INPP4B: variants seen among roughly 807,000 people sequenced by gnomAD.
The protein encoded by INPP4B is inositol polyphosphate-4-phosphatase type II B, also known as inositol polyphosphate 4-phosphatase type II.
INPP4B carries 55 observed loss-of-function variants against 122.5 expected under a neutral mutation model. The observed-to-expected ratio is 0.45, with a 90% CI of 0.36 to 0.56. The LOEUF (loss-of-function observed/expected upper bound fraction) is 0.56, where lower values mean the gene tolerates loss of function less well. Ranked by LOEUF, INPP4B falls within the 20% of genes least tolerant of loss-of-function variation. The pLI is 0.00. For missense variants in INPP4B, 1,000 were observed against 1,097.7 expected, an observed-to-expected ratio of 0.91 and a Z score of 1.26; for synonymous variants, 403 against 388.7, an observed-to-expected ratio of 1.04 and a Z score of -0.43.
chr4:142,619,848 G>A (rs937963771), intron 2 of INPP4B, among the ~76,000 whole-genome samples: 1 of 152,014 alleles, frequency 6.6e-6, no homozygotes, highest in African/African-American at 2.4e-5. Flanking sequence ...GAAAGGAAAG[G>A]AAGAGAGATA....
At chr4:142,086,078 AGAG>A in intron 24 of INPP4B, 63 bp downstream of exon 24, 2 of 1,068,318 alleles carry the variant, frequency 1.9e-6, no homozygotes, top group South Asian at 2.5e-5. Context: ...CCTGCACAGT[AGAG>A]AACTGATAAT....
chr4:142,479,688 C>T (rs1026211627), intron 2 of INPP4B, among the ~76,000 whole-genome samples: 2 of 152,044 alleles, frequency 1.3e-5, no homozygotes, highest in Non-Finnish European at 2.9e-5. Flanking sequence ...AAGTCATAAT[C>T]CTAAGCGAAC....
intron 2 of INPP4B, among the ~76,000 whole-genome samples, chr4:142,612,316 T>C (rs1287636780): frequency 1.3e-5 from 2 of 152,240 alleles, no homozygotes; most frequent in Non-Finnish European, 2.9e-5. Flanking sequence ...ATATTTAGTT[T>C]TTATAGAATA....
chr4:142,256,652 C>T (rs898385742), intron 11 of INPP4B, among the ~76,000 whole-genome samples: 4 of 152,050 alleles, frequency 2.6e-5, no homozygotes, highest in Non-Finnish European at 5.9e-5. Flanking sequence ...AAGACTAAAC[C>T]AGGAAGAAGT....
intron 2 of INPP4B, among the ~76,000 whole-genome samples, chr4:142,615,376 G>A (rs1743473089): frequency 6.6e-5 from 10 of 152,144 alleles, no homozygotes; most frequent in Admixed American, 6.6e-4. Context: ...ACAGGTTATA[G>A]GTGGATTAAG....
chr4:142,768,685 A>G (rs1169328680), intron 1 of INPP4B, among the ~76,000 whole-genome samples: 1 of 152,232 alleles, frequency 6.6e-6, no homozygotes, highest in Non-Finnish European at 1.5e-5. Context: ...ACTGAGAGCA[A>G]CATATACAGA....
chr4:142,499,857 T>C (rs1410749097), intron 2 of INPP4B, among the ~76,000 whole-genome samples: 4 of 152,176 alleles, frequency 2.6e-5, no homozygotes, highest in African/African-American at 4.8e-5. Context: ...ATAAACTCCC[T>C]ACCTTTACTT....
At chr4:142,176,553 T>C (rs1244578717) in intron 15 of INPP4B, among the ~76,000 whole-genome samples, 1 of 152,196 alleles carries the variant, frequency 6.6e-6, no homozygotes, top group East Asian at 1.9e-4. Flanking sequence ...CTCCATTCTA[T>C]TCTAATTCAC....
chr4:142,202,012 C>G (rs895206933), intron 14 of INPP4B, among the ~76,000 whole-genome samples: 2 of 151,884 alleles, frequency 1.3e-5, no homozygotes, highest in African/African-American at 4.8e-5. Context: ...TTTAAGCAAA[C>G]AAAATACAGT....
At chr4:142,592,642 A>C (rs902974260) in intron 2 of INPP4B, among the ~76,000 whole-genome samples, 2 of 152,156 alleles carry the variant, frequency 1.3e-5, no homozygotes, top group Non-Finnish European at 2.9e-5. Flanking sequence ...ATTTTCTTTA[A>C]ATATTGTATG....
chr4:142,432,075 C>G (rs1396976886), intron 3 of INPP4B, among the ~76,000 whole-genome samples: 6 of 152,032 alleles, frequency 3.9e-5, no homozygotes, highest in African/African-American at 1.4e-4. Flanking sequence ...GAAAGACTCT[C>G]CAAGAACTTA....
intron 16 of INPP4B, among the ~76,000 whole-genome samples, chr4:142,167,194 A>G (rs921474150): frequency 1.7e-4 from 25 of 150,462 alleles, no homozygotes; most frequent in Non-Finnish European, 4.4e-5. Flanking sequence ...CATACACACC[A>G]TGGAATACTA....
intron 7 of INPP4B, among the ~76,000 whole-genome samples, chr4:142,326,343 G>T (rs1013162952): frequency 6.6e-6 from 1 of 152,150 alleles, no homozygotes; most frequent in Non-Finnish European, 1.5e-5. Context: ...GGAGCTCTTC[G>T]CACTGGAAAG....
chr4:142,432,897 A>C (rs1490547848), intron 3 of INPP4B, among the ~76,000 whole-genome samples: 1 of 152,120 alleles, frequency 6.6e-6, no homozygotes, highest in Non-Finnish European at 1.5e-5. Flanking sequence ...ATAAATATCT[A>C]ATTCTGTTTA....
At chr4:142,122,028 A>G (rs1796754185) in intron 21 of INPP4B, 100 bp downstream of exon 21, 1 of 746,576 alleles carries the variant, frequency 1.3e-6, no homozygotes. Flanking sequence ...AACAAAAGAA[A>G]TATTCCCAAA....
intron 1 of INPP4B, among the ~76,000 whole-genome samples, chr4:142,787,151 T>C (rs1466062032): frequency 6.6e-6 from 1 of 152,126 alleles, no homozygotes; most frequent in Non-Finnish European, 1.5e-5. Flanking sequence ...AAAGAAAATC[T>C]GTTAAAATAA....
chr4:142,572,320 G>A (rs912883225), intron 2 of INPP4B, among the ~76,000 whole-genome samples: 1 of 152,126 alleles, frequency 6.6e-6, no homozygotes, highest in African/African-American at 2.4e-5. Flanking sequence ...AGAACAAGGT[G>A]CACCTGCAGA....
intron 25 of INPP4B, among the ~76,000 whole-genome samples, chr4:142,067,106 T>A (rs1763961637): frequency 2.0e-5 from 3 of 152,078 alleles, no homozygotes; most frequent in Non-Finnish European, 4.4e-5. Flanking sequence ...TACAGCTGGG[T>A]GCCCCTCTGA....
rs539229472 is a variant in INPP4B at position 142,271,786 on chromosome 4, G to T, written c.504-1012C>A. Among the ~76,000 whole-genome samples the T allele has an allele frequency of 5.3e-5, 8 of 152,188 alleles. No individual in the cohort carries two copies. In the East Asian group the frequency reaches 1.5e-3, roughly 29 times the overall value. On this transcript the variant is annotated intron_variant, in intron 9 of 25. Coordinates refer to ENST00000262992, the MANE Select transcript of INPP4B (RefSeq NM_001101669.3). Reference sequence around the variant, plus strand: ...CATTGACAAGTCTTTTATATTCAATGATAATAATATAAGATTTTCACCATC... The same window carrying T: ...CATTGACAAGTCTTTTATATTCAATTATAATAATATAAGATTTTCACCATC...
Sources: gnomAD v4.1 joint callset for allele counts (sites outside exome capture counted in the v4.1 genomes callset) on GRCh38, gnomAD v4.1.1 for gene constraint, MANE v1.5 for transcripts, NCBI Gene and HGNC (gene_info 2026-07-23, HGNC 2026-07-21) for gene names.